NSMCE2: variants seen among roughly 807,000 people sequenced by gnomAD.
NSMCE2 encodes the protein E3 SUMO-protein ligase NSE2.
NSMCE2 carries 24 observed loss-of-function variants against 23.8 expected under a neutral mutation model. The ratio of observed to expected loss-of-function variants is 1.01; its 90% CI spans 0.73 to 1.42. NSMCE2 has a LOEUF of 1.42. Ranked by LOEUF, NSMCE2 falls within the 40% of genes most tolerant of loss-of-function variation. NSMCE2 has a pLI of 0.00. For synonymous variants in NSMCE2, 92 were observed against 94.1 expected, an observed-to-expected ratio of 0.98 and a Z score of 0.13; for missense variants, 284 against 296.5, an observed-to-expected ratio of 0.96 and a Z score of 0.31.
intron 5 of NSMCE2, among the ~76,000 whole-genome samples, chr8:125,351,727 T>C (rs557817259): frequency 3.3e-5 from 5 of 150,806 alleles, no homozygotes; most frequent in Non-Finnish European, 7.4e-5. Flanking sequence ...TATTGTGGGG[T>C]TGGCCGGGCA....
chr8:125,260,232 T>A (rs1200098627), intron 5 of NSMCE2, among the ~76,000 whole-genome samples: 1 of 152,288 alleles, frequency 6.6e-6, no homozygotes, highest in East Asian at 1.9e-4. Flanking sequence ...GGCCCCGGAA[T>A]GTGACTACCT....
At chr8:125,318,037 A>G (rs1563781150) in intron 5 of NSMCE2, among the ~76,000 whole-genome samples, 1 of 152,264 alleles carries the variant, frequency 6.6e-6, no homozygotes, top group Non-Finnish European at 1.5e-5. Flanking sequence ...ATTCTACAAA[A>G]TGAAAGCACA....
chr8:125,115,938 C>T (rs949552577), intron 3 of NSMCE2, among the ~76,000 whole-genome samples: 13 of 152,158 alleles, frequency 8.5e-5, no homozygotes, highest in African/African-American at 3.1e-4. Context: ...CTCATCCTCA[C>T]TCCACAGAAG....
intron 3 of NSMCE2, among the ~76,000 whole-genome samples, chr8:125,117,548 A>T (rs547414283): frequency 6.9e-6 from 1 of 144,286 alleles, no homozygotes; most frequent in African/African-American, 2.5e-5. Context: ...TTTTTATTTT[A>T]TTTTTTTAAG....
chr8:125,239,793 TAC>T (rs1029781750), intron 5 of NSMCE2, among the ~76,000 whole-genome samples: 5 of 152,148 alleles, frequency 3.3e-5, no homozygotes, highest in African/African-American at 1.2e-4. Context: ...TTTCAGAACT[TAC>T]ATACATTTTA....
intron 4 of NSMCE2, among the ~76,000 whole-genome samples, chr8:125,177,034 T>G (rs778079937): frequency 6.6e-6 from 1 of 152,272 alleles, no homozygotes; most frequent in Non-Finnish European, 1.5e-5. Context: ...AGTACTGGAA[T>G]GGTTTTCTCA....
At chr8:125,295,891 C>T (rs1828302238) in intron 5 of NSMCE2, among the ~76,000 whole-genome samples, 1 of 152,116 alleles carries the variant, frequency 6.6e-6, no homozygotes, top group Non-Finnish European at 1.5e-5. Context: ...CATATCATGA[C>T]CCAATAATAA....
intron 5 of NSMCE2, among the ~76,000 whole-genome samples, chr8:125,190,812 G>A (rs58179901): frequency 0.094 from 14,269 of 152,142 alleles, 846 homozygotes; most frequent in South Asian, 0.17. Context: ...AATAACAGCC[G>A]ACATTGTTTG....
chr8:125,094,956 G>C (rs770151725), intron 1 of NSMCE2, among the ~76,000 whole-genome samples: 1 of 152,140 alleles, frequency 6.6e-6, no homozygotes, highest in Non-Finnish European at 1.5e-5. Context: ...CGGCTCAAGC[G>C]ATCCTACCAC....
intron 5 of NSMCE2, among the ~76,000 whole-genome samples, chr8:125,231,856 C>T: frequency 6.6e-6 from 1 of 152,124 alleles, no homozygotes; most frequent in Admixed American, 6.5e-5. Context: ...AGAAGGAACA[C>T]ATTTTCTTTA....
At chr8:125,298,696 TG>T (rs202024586) in intron 5 of NSMCE2, among the ~76,000 whole-genome samples, 63,891 of 117,926 alleles carry the variant, frequency 0.54, 17,018 homozygotes, top group Middle Eastern at 0.73. Context: ...GGTTTTTTTT[TG>T]TTTTTTTTTT....
At chr8:125,316,579 TTTC>T (rs1447007169) in intron 5 of NSMCE2, among the ~76,000 whole-genome samples, 1 of 152,072 alleles carries the variant, frequency 6.6e-6, no homozygotes, top group African/African-American at 2.4e-5. Flanking sequence ...TCTTTCTTTC[TTTC>T]TTTTCTTTTC....
intron 5 of NSMCE2, among the ~76,000 whole-genome samples, chr8:125,247,660 G>A (rs1025291836): frequency 4.0e-5 from 6 of 151,664 alleles, no homozygotes; most frequent in African/African-American, 7.3e-5. Context: ...AGGAGGCAGA[G>A]GTTGCAGTGA....
chr8:125,336,647 C>T (rs558287729), intron 5 of NSMCE2, among the ~76,000 whole-genome samples: 1 of 152,358 alleles, frequency 6.6e-6, no homozygotes, highest in East Asian at 1.9e-4. Context: ...GTTGGGTTCA[C>T]AGTTTCATCT....
intron 3 of NSMCE2, among the ~76,000 whole-genome samples, chr8:125,133,448 C>T (rs965814084): frequency 6.6e-6 from 1 of 151,980 alleles, no homozygotes; most frequent in Non-Finnish European, 1.5e-5. Context: ...AATAGTTTGT[C>T]TTTAAATTCA....
chr8:125,228,282 A>G (rs1347005202), intron 5 of NSMCE2, among the ~76,000 whole-genome samples: 1 of 152,188 alleles, frequency 6.6e-6, no homozygotes, highest in Admixed American at 6.5e-5. Context: ...GCATTTATTC[A>G]TTCAGTCAGC....
intron 5 of NSMCE2, among the ~76,000 whole-genome samples, chr8:125,183,634 G>GGTTGTGTGTGTGTGTGTGT (rs71515999): frequency 1.1e-4 from 16 of 147,588 alleles, no homozygotes; most frequent in African/African-American, 4.0e-4. Context: ...ATTACTCAGT[G>GGTTGTGTGTGTGTGTGTGT]GTGTGTGTGT....
At chr8:125,348,828 G>T (rs1208654581) in intron 5 of NSMCE2, 1 of 152,036 alleles carries the variant, frequency 6.6e-6, no homozygotes, top group African/African-American at 2.4e-5. Context: ...TCTTGGATGT[G>T]TCTTTATTAG....
intron 5 of NSMCE2, among the ~76,000 whole-genome samples, chr8:125,279,026 T>C (rs1159605986): frequency 6.6e-6 from 1 of 152,218 alleles, no homozygotes; most frequent in Non-Finnish European, 1.5e-5. Flanking sequence ...AGATCAGCTA[T>C]AACCACCACG....
Sources: allele counts gnomAD v4.1 joint callset (sites outside exome capture counted in the v4.1 genomes callset), GRCh38; gene constraint gnomAD v4.1.1; transcripts MANE v1.5; gene names NCBI Gene and HGNC (gene_info 2026-07-23, HGNC 2026-07-21).